CDK15: variants seen among roughly 807,000 people sequenced by gnomAD.
CDK15 encodes cyclin-dependent kinase 15.
Under a neutral mutation model 60.3 loss-of-function variants are expected in CDK15, and 62 were observed. The observed-to-expected ratio is 1.03, with a 90% CI of 0.84 to 1.27. The LOEUF (loss-of-function observed/expected upper bound fraction) is 1.27, where lower values mean the gene tolerates loss of function less well. Among genes scored for constraint, CDK15 ranks in the 50% most tolerant of loss-of-function variants. CDK15 has a pLI of 0.00. For missense variants in CDK15, 541 were observed against 527.8 expected, an observed-to-expected ratio of 1.03 and a Z score of -0.25; for synonymous variants, 194 against 195.7, an observed-to-expected ratio of 0.99 and a Z score of 0.07.
At chr2:201,826,891 C>A (rs1160836191) in intron 6 of CDK15, among the ~76,000 whole-genome samples, 3 of 152,182 alleles carry the variant, frequency 2.0e-5, no homozygotes, top group African/African-American at 7.2e-5. Context: ...GTCAAAAAAT[C>A]TTTAAAGCAC....
In CDK15 at chr2:201,826,637, AAC is replaced by A. The variant is rs527668980; in HGVS notation, c.606+2914_606+2915del. 2.0e-4 allele frequency among the ~76,000 whole-genome samples: 31 copies of A among 152,300 alleles called. 1 individual carries two copies. The East Asian group carries it at 5.6e-3, about 27-fold the overall frequency. The stretch of plus-strand genomic sequence containing the variant: ...GTCATGGTTTGTTAGGGTTAGAGGA[AAC>A]ACAGTGTTTTGCAATCTCCAGGTTC... On this transcript the variant is annotated intron_variant, in intron 6 of 13. Coordinates refer to ENST00000652192, the MANE Select transcript of CDK15 (RefSeq NM_001366386.2).
intron 10 of CDK15, among the ~76,000 whole-genome samples, chr2:201,862,200 G>T (rs187874891): frequency 9.9e-5 from 15 of 152,270 alleles, no homozygotes; most frequent in Admixed American, 9.8e-4. Flanking sequence ...GTACCCACAG[G>T]GCCTTTCCCT....
intron 10 of CDK15, among the ~76,000 whole-genome samples, chr2:201,858,345 C>T (rs1698233409): frequency 6.6e-6 from 1 of 150,902 alleles, no homozygotes; most frequent in African/African-American, 2.4e-5. Flanking sequence ...CCTTCCCTCC[C>T]TCCCTCCCTT....
rs543509284 is a variant in CDK15 at position 201,895,159 on chromosome 2, G to A, written c.*1892G>A. 1 of 152,260 alleles carries A rather than the reference G, an allele frequency of 6.6e-6. No homozygotes were observed. Among genetic ancestry groups the A allele is most frequent in the African/African-American group, 2.4e-5 (1 of 41,548 alleles). 9.4% of individuals were successfully genotyped at this position (152,260 alleles called of 1,614,324 possible). On this transcript the variant is annotated 3_prime_UTR_variant, in exon 14 of 14. Coordinates refer to ENST00000652192, the MANE Select transcript of CDK15 (RefSeq NM_001366386.2). ...CCTCTGCCTCTCTGAAGATATGAGA[G>A]CTATAGGAGGGATTCCCATGTTGGA...
chr2:201,830,496 G>A (rs1373789456), intron 6 of CDK15, among the ~76,000 whole-genome samples: 2 of 152,152 alleles, frequency 1.3e-5, no homozygotes, highest in Non-Finnish European at 2.9e-5. Context: ...TTTATAGGGG[G>A]ATGAATTTTG....
Position 201,887,590 on chromosome 2 carries a change from C to A in CDK15, c.1199-3195C>A, listed in dbSNP as rs139041460. 9.8e-3 allele frequency among the ~76,000 whole-genome samples: 1,486 copies of A among 152,200 alleles called. 21 individuals are homozygous for A. The highest frequency in any genetic ancestry group is 0.034 in the African/African-American group (1,422 of 41,514). On this transcript the variant is annotated intron_variant, in intron 12 of 13. Coordinates refer to ENST00000652192, the MANE Select transcript of CDK15 (RefSeq NM_001366386.2). Reference sequence around the variant, plus strand: ...GATGGGTTAACACTAGTTTTCTTTACCCCAGGTTGACAGAATATTTATTTT... The same window carrying A: ...GATGGGTTAACACTAGTTTTCTTTAACCCAGGTTGACAGAATATTTATTTT...
rs547990069 is a variant in CDK15, at chr2:201,849,135, C to A, written c.945+1661C>A. 1.1e-4 allele frequency among the ~76,000 whole-genome samples: 17 copies of A among 152,304 alleles called. 1 individual carries two copies. The South Asian group carries it at 3.5e-3, about 32-fold the overall frequency. On this transcript the variant is annotated intron_variant, in intron 9 of 13. Coordinates refer to ENST00000652192, the MANE Select transcript of CDK15 (RefSeq NM_001366386.2). ...GGGCAAGTTATGTAGTCCCTCTGAA[C>A]TTTCGTTTCCTTGTCTGTAAAATGG...
chr2:201,838,506 G>C (rs1234955620), intron 8 of CDK15, among the ~76,000 whole-genome samples: 4 of 151,870 alleles, frequency 2.6e-5, no homozygotes, highest in African/African-American at 9.7e-5. Flanking sequence ...CTGGGTTTAA[G>C]TGATCCTCCT....
chr2:201,881,852 T>C (rs1156873506), intron 12 of CDK15, among the ~76,000 whole-genome samples: 2 of 152,112 alleles, frequency 1.3e-5, no homozygotes, highest in Admixed American at 6.6e-5. Context: ...TTGGGACTTA[T>C]AACTCTATTA....
At chr2:201,826,955 A>G (rs904270594) in intron 6 of CDK15, among the ~76,000 whole-genome samples, 8 of 152,248 alleles carry the variant, frequency 5.3e-5, no homozygotes, top group African/African-American at 1.7e-4. Context: ...ATCTGAGAGG[A>G]CAAACATTTT....
chr2:201,889,411 T>C (rs1699565329), intron 12 of CDK15: 2 of 985,114 alleles, frequency 2.0e-6, no homozygotes, highest in Non-Finnish European at 2.4e-6. Context: ...CTTGTAACAA[T>C]GGCTACCATT....
At chr2:201,821,755 C>T (rs1353320928) in intron 4 of CDK15, among the ~76,000 whole-genome samples, 1 of 152,166 alleles carries the variant, frequency 6.6e-6, no homozygotes, top group East Asian at 1.9e-4. Flanking sequence ...ACTGCAACCT[C>T]CACCTCCCAG....
chr2:201,870,593 G>A (rs1374642021), intron 10 of CDK15, among the ~76,000 whole-genome samples: 1 of 151,642 alleles, frequency 6.6e-6, no homozygotes, highest in Non-Finnish European at 1.5e-5. Context: ...AACAGACGTG[G>A]TGGTGTATGC....
At chr2:201,853,976 A>G (rs991375984) in intron 9 of CDK15, among the ~76,000 whole-genome samples, 2 of 152,234 alleles carry the variant, frequency 1.3e-5, no homozygotes, top group African/African-American at 4.8e-5. Flanking sequence ...CCTGGCCAAC[A>G]CGGTGAAACC....
intron 6 of CDK15, among the ~76,000 whole-genome samples, chr2:201,827,447 A>T (rs1017906942): frequency 6.6e-6 from 1 of 152,202 alleles, no homozygotes; most frequent in Non-Finnish European, 1.5e-5. Context: ...CCTGTCCCTA[A>T]AAAAGAAAGA....
chr2:201,847,304 A>C (rs1200142137), intron 8 of CDK15, 77 bp from the exon 9 acceptor site: 5 of 1,355,528 alleles, frequency 3.7e-6, no homozygotes, highest in Non-Finnish European at 5.2e-6. Flanking sequence ...ATTTCTTGGG[A>C]AGAGAAATTC....
chr2:201,858,800 G>A (rs1204474750), intron 10 of CDK15, among the ~76,000 whole-genome samples: 1 of 152,098 alleles, frequency 6.6e-6, no homozygotes, highest in Non-Finnish European at 1.5e-5. Context: ...CTTGAAAAAA[G>A]AGGGAGGAGA....
intron 8 of CDK15, among the ~76,000 whole-genome samples, chr2:201,837,645 C>G (rs1697189116): frequency 6.6e-6 from 1 of 152,116 alleles, no homozygotes; most frequent in Non-Finnish European, 1.5e-5. Flanking sequence ...GTTATTTTCT[C>G]TGGATCATGT....
intron 4 of CDK15, among the ~76,000 whole-genome samples, chr2:201,821,320 C>T (rs770109391): frequency 1.3e-5 from 2 of 151,846 alleles, no homozygotes; most frequent in Admixed American, 6.6e-5. Flanking sequence ...GGGTAGAGGC[C>T]GGGTCAGTTC....
Sources: allele counts gnomAD v4.1 joint callset (sites outside exome capture counted in the v4.1 genomes callset), GRCh38; gene constraint gnomAD v4.1.1; transcripts MANE v1.5; gene names NCBI Gene and HGNC (gene_info 2026-07-23, HGNC 2026-07-21).